P3H2: variants seen among roughly 807,000 people sequenced by gnomAD.
P3H2 encodes prolyl 3-hydroxylase 2, also known as leprecan-like 1.
Under a neutral mutation model 87.0 loss-of-function variants are expected in P3H2, and 80 were observed. The observed-to-expected ratio is 0.92, with a 90% CI of 0.77 to 1.11. The LOEUF (loss-of-function observed/expected upper bound fraction) is 1.11, where lower values mean the gene tolerates loss of function less well. Ranked by LOEUF, P3H2 falls within the 50% of genes least tolerant of loss-of-function variation. The pLI is 0.00. For synonymous variants in P3H2, 367 were observed against 359.3 expected, an observed-to-expected ratio of 1.02 and a Z score of -0.24; for missense variants, 1,001 against 923.9, an observed-to-expected ratio of 1.08 and a Z score of -1.08.
In P3H2 at chr3:189,973,319, A is replaced by G. The variant is rs537065035; in HGVS notation, c.1549-295T>C. On this transcript the variant is annotated intron_variant, in intron 10 of 14. Transcript: ENST00000319332. Reference sequence around the variant, plus strand: ...GTAGAGAATAATTACTTGTTTGAATATGTTTTCACTATTAGATCATGATTT... The same window carrying G: ...GTAGAGAATAATTACTTGTTTGAATGTGTTTTCACTATTAGATCATGATTT... The G allele has an allele frequency of 5.4e-5, 18 of 330,348 alleles. 1 individual carries two copies. The East Asian group carries it at 8.1e-4, about 15-fold the overall frequency. 20.5% of individuals were successfully genotyped at this position (330,348 alleles called of 1,614,324 possible). A position where few individuals can be genotyped will look rare whatever the true frequency, so the allele number is the denominator to read the frequency against.
At chr3:190,018,645 G>A (rs1171689073) in intron 1 of P3H2, among the ~76,000 whole-genome samples, 2 of 152,110 alleles carry the variant, frequency 1.3e-5, no homozygotes, top group East Asian at 1.9e-4. Flanking sequence ...GGAATTTGAG[G>A]TTGCAATGAG....
intron 1 of P3H2, among the ~76,000 whole-genome samples, chr3:190,111,894 C>A (rs991376245): frequency 8.5e-5 from 13 of 152,188 alleles, no homozygotes; most frequent in Non-Finnish European, 1.8e-4. Context: ...CCAGCCACTT[C>A]TATTCACAGG....
intron 1 of P3H2, among the ~76,000 whole-genome samples, chr3:190,047,375 C>T (rs1313155256): frequency 2.0e-5 from 3 of 152,182 alleles, no homozygotes; most frequent in Admixed American, 6.5e-5. Flanking sequence ...AGCAACCGCA[C>T]TGCTGAGTAT....
intron 1 of P3H2, among the ~76,000 whole-genome samples, chr3:190,034,100 T>C (rs1255746800): frequency 2.6e-5 from 4 of 152,218 alleles, no homozygotes; most frequent in Non-Finnish European, 5.9e-5. Context: ...TTAATGTAGT[T>C]ATTGTGGCAA....
chr3:189,978,576 T>C (rs1723423392), intron 8 of P3H2, among the ~76,000 whole-genome samples: 5 of 152,232 alleles, frequency 3.3e-5, no homozygotes, highest in East Asian at 1.9e-4. Flanking sequence ...GCATTAGAAA[T>C]ATGCCTTTCA....
intron 14 of P3H2, among the ~76,000 whole-genome samples, chr3:189,962,161 C>CTTTTTTTTTTTTTTTTTTT (rs770628547): frequency 3.4e-5 from 3 of 87,648 alleles, no homozygotes; most frequent in African/African-American, 4.7e-5. Context: ...TCTTCTTCTT[C>CTTTTTTTTTTTTTTTTTTT]TTTTTTTTTT....
At chr3:189,961,919 G>A (rs1192234035) in intron 14 of P3H2, among the ~76,000 whole-genome samples, 1 of 152,132 alleles carries the variant, frequency 6.6e-6, no homozygotes, top group Non-Finnish European at 1.5e-5. Flanking sequence ...AATGTCTGCT[G>A]AATTGAATAC....
intron 1 of P3H2, among the ~76,000 whole-genome samples, chr3:190,001,091 C>G (rs1724202872): frequency 6.6e-6 from 1 of 152,180 alleles, no homozygotes; most frequent in Non-Finnish European, 1.5e-5. Context: ...CAATGTTTCT[C>G]AATTCAGAAG....
In P3H2 at chr3:190,106,230, G is replaced by A. The variant is rs1056322348; in HGVS notation, c.480+14022C>T. On this transcript the variant is annotated intron_variant, in intron 1 of 14. Transcript: ENST00000319332. ...TCAGAGAATGGGAGAATTTAATGGG[G>A]AAGAAAGAAAAGAACATTTCTTAAC... Among the ~76,000 whole-genome samples, 8 of 152,282 alleles carry A rather than the reference G, an allele frequency of 5.3e-5. No individual in the cohort carries two copies. In the South Asian group the frequency reaches 1.7e-3, roughly 32 times the overall value.
intron 1 of P3H2, among the ~76,000 whole-genome samples, chr3:190,108,363 T>G (rs538266468): frequency 1.9e-4 from 29 of 152,102 alleles, no homozygotes; most frequent in Non-Finnish European, 3.2e-4. Context: ...TAGTAACACA[T>G]TCCACTCCCC....
At chr3:190,034,356 G>C (rs1410823276) in intron 1 of P3H2, among the ~76,000 whole-genome samples, 2 of 152,222 alleles carry the variant, frequency 1.3e-5, no homozygotes, top group Non-Finnish European at 2.9e-5. Flanking sequence ...TTAAGCGACA[G>C]AATTTGAACA....
At chr3:189,968,841 A>G (rs1331071340) in intron 13 of P3H2, among the ~76,000 whole-genome samples, 1 of 152,128 alleles carries the variant, frequency 6.6e-6, no homozygotes, top group East Asian at 1.9e-4. Flanking sequence ...GTCTCTAATG[A>G]CCAGTGATGA....
chr3:189,963,969 A>G lies in P3H2; in HGVS notation c.2023T>C (p.Tyr675His), dbSNP rs890670049. ...VALWFTLDPLYRELERIQADE... is the reference protein window; with the variant it reads ...VALWFTLDPLHRELERIQADE... The stretch of plus-strand genomic sequence containing the variant: ...GGTGAGAAACTCACCAATTCTCTAT[A>G]AAGTGGGTCCAAGGTGAACCACAGA... The change falls in exon 14 of 15, where the codon TAT becomes CAT. Residue 675 changes from tyrosine (Y) to histidine (H), a missense_variant. Coordinates refer to ENST00000319332, the MANE Select transcript of P3H2 (RefSeq NM_018192.4). 5.6e-6 allele frequency: 9 copies of G among 1,614,010 alleles called. No individual in the cohort carries two copies. Among genetic ancestry groups the G allele is most frequent in the East Asian group, 2.2e-5 (1 of 44,884 alleles).
At chr3:190,032,232 T>C (rs1725276829) in intron 1 of P3H2, among the ~76,000 whole-genome samples, 2 of 152,220 alleles carry the variant, frequency 1.3e-5, no homozygotes, top group Non-Finnish European at 2.9e-5. Flanking sequence ...ACATTGTTTA[T>C]TTTCAACAGA....
intron 8 of P3H2, among the ~76,000 whole-genome samples, chr3:189,975,621 C>T (rs1051543635): frequency 1.1e-4 from 16 of 152,178 alleles, no homozygotes; most frequent in African/African-American, 3.9e-4. Context: ...AGGGAAGGCA[C>T]AACTCCCTGC....
chr3:190,008,930 A>T (rs1020075911), intron 1 of P3H2, among the ~76,000 whole-genome samples: 1 of 152,044 alleles, frequency 6.6e-6, no homozygotes. Context: ...CCCTTAAGAG[A>T]AGTAAAAAGA....
chr3:190,068,501 C>T (rs1726587371), intron 1 of P3H2, among the ~76,000 whole-genome samples: 1 of 152,132 alleles, frequency 6.6e-6, no homozygotes, highest in African/African-American at 2.4e-5. Flanking sequence ...GTTATTGGGT[C>T]TTAAAACTGC....
At chr3:190,048,741 GC>G (rs1287165580) in intron 1 of P3H2, among the ~76,000 whole-genome samples, 2 of 152,170 alleles carry the variant, frequency 1.3e-5, no homozygotes, top group Non-Finnish European at 2.9e-5. Context: ...CAGGAGATCA[GC>G]TACATATCCC....
In P3H2 at chr3:189,987,684, A is replaced by G. The variant is rs1577256345; in HGVS notation, c.956-15T>C. ...ATACTCACCAACTGAAAGACAAAGG[A>G]GTTGCAGCATTAGAGTCAGCCTAGG... On this transcript the variant is annotated splice_polypyrimidine_tract_variant and intron_variant, in intron 4 of 14. Coordinates refer to ENST00000319332, the MANE Select transcript of P3H2 (RefSeq NM_018192.4). The G allele has an allele frequency of 3.7e-6, 6 of 1,613,952 alleles. No individual in the cohort carries two copies. The East Asian group carries it at 1.3e-4, about 36-fold the overall frequency.
Sources: gnomAD v4.1 joint callset for allele counts (sites outside exome capture counted in the v4.1 genomes callset) on GRCh38, gnomAD v4.1.1 for gene constraint, MANE v1.5 for transcripts, NCBI Gene and HGNC (gene_info 2026-07-23, HGNC 2026-07-21) for gene names.